The following CCDC7 variants were observed in gnomAD, a reference collection of about 807,000 sequenced individuals.
CCDC7 encodes the protein coiled-coil domain containing 7.
A neutral mutation model predicts 196.9 loss-of-function variants in CCDC7; 183 were observed. The observed-to-expected ratio is 0.93, with a 90% CI of 0.82 to 1.05. CCDC7 has a LOEUF of 1.05. Ranked by LOEUF, CCDC7 falls within the 50% of genes least tolerant of loss-of-function variation. The pLI is 0.00. For synonymous variants in CCDC7, 525 were observed against 484.6 expected (o/e 1.08, Z -1.10); for missense variants, 1,540 against 1,482.2 (o/e 1.04, Z -0.64).
At chr10:32,662,026 A>G (rs1302458666) in intron 20 of CCDC7, among the ~76,000 whole-genome samples, 1 of 152,154 alleles carries the variant, frequency 6.6e-6, no homozygotes, top group African/African-American at 2.4e-5. Context: ...AAGGCTTGCC[A>G]GAACTCAAGT....
chr10:32,563,312 A>G (rs2056120221), intron 13 of CCDC7, among the ~76,000 whole-genome samples: 1 of 152,160 alleles, frequency 6.6e-6, no homozygotes, highest in African/African-American at 2.4e-5. Context: ...TAAAGTTCAT[A>G]TGGAACCAAA....
At chr10:32,485,416 T>C (rs1051437715) in intron 8 of CCDC7, among the ~76,000 whole-genome samples, 2 of 152,222 alleles carry the variant, frequency 1.3e-5, no homozygotes, top group Admixed American at 6.5e-5. Flanking sequence ...TAGTGGTCTA[T>C]CAATTTTGTT....
chr10:32,675,020 T>C (rs1348355614), intron 21 of CCDC7, among the ~76,000 whole-genome samples: 2 of 152,144 alleles, frequency 1.3e-5, no homozygotes, highest in African/African-American at 4.8e-5. Flanking sequence ...GCAAATAGCA[T>C]ATAGTGGATC....
At chr10:32,579,252 CCAAA>C (rs1002008551) in intron 16 of CCDC7, among the ~76,000 whole-genome samples, 1 of 151,354 alleles carries the variant, frequency 6.6e-6, no homozygotes, top group Non-Finnish European at 1.5e-5. Context: ...TTTTTCTTAA[CCAAA>C]CAGACTAGCA....
intron 20 of CCDC7, among the ~76,000 whole-genome samples, chr10:32,652,206 T>C (rs2068896925): frequency 6.6e-6 from 1 of 152,224 alleles, no homozygotes; most frequent in Admixed American, 6.5e-5. Context: ...ACTTAAAGTG[T>C]ATTTTATCTC....
intron 11 of CCDC7, among the ~76,000 whole-genome samples, chr10:32,525,607 A>G (rs1326458613): frequency 6.6e-6 from 1 of 152,168 alleles, no homozygotes; most frequent in African/African-American, 2.4e-5. Context: ...TGAAGCTTGT[A>G]GATGTTTATA....
intron 33 of CCDC7, among the ~76,000 whole-genome samples, chr10:32,838,353 G>A (rs961172753): frequency 1.3e-5 from 2 of 152,036 alleles, no homozygotes; most frequent in African/African-American, 4.8e-5. Flanking sequence ...GCACTGGGAA[G>A]TCTCCATAAT....
At chr10:32,486,410 T>G (rs1391176379) in intron 8 of CCDC7, among the ~76,000 whole-genome samples, 1 of 151,598 alleles carries the variant, frequency 6.6e-6, no homozygotes, top group Non-Finnish European at 1.5e-5. Flanking sequence ...TGAGATGGGT[T>G]TCCTGAATAC....
chr10:32,511,749 A>G (rs1589375002), intron 9 of CCDC7: 9 of 1,552,520 alleles, frequency 5.8e-6, no homozygotes, highest in Non-Finnish European at 7.1e-6. Context: ...GTTATGGCTG[A>G]CTCACGGCCT....
At chr10:32,688,353 A>G (rs914102077) in intron 22 of CCDC7, among the ~76,000 whole-genome samples, 8 of 152,204 alleles carry the variant, frequency 5.3e-5, no homozygotes, top group Non-Finnish European at 1.2e-4. Flanking sequence ...TTTAGAGTTA[A>G]CAATAGTTAT....
At chr10:32,842,175 G>A (rs4934747) in intron 33 of CCDC7, among the ~76,000 whole-genome samples, 52,065 of 151,838 alleles carry the variant, frequency 0.34, 11,326 homozygotes, top group Non-Finnish European at 0.49. Context: ...CCCTCAGAGT[G>A]GCAGAAAATC....
At chr10:32,634,286 G>A in exon 19 of CCDC7, 3 of 1,218,398 alleles carry the variant, frequency 2.5e-6, no homozygotes, top group Middle Eastern at 6.3e-4. Context: ...AAATCTTATG[G>A]TTGAAAATAA....
chr10:32,498,791 C>T (rs1344782709), intron 9 of CCDC7, among the ~76,000 whole-genome samples: 1 of 151,570 alleles, frequency 6.6e-6, no homozygotes, highest in Non-Finnish European at 1.5e-5. Context: ...GGTAACCCGA[C>T]CTTTCTCTCT....
intron 41 of CCDC7, among the ~76,000 whole-genome samples, chr10:32,863,613 G>T (rs540930619): frequency 1.3e-5 from 2 of 151,904 alleles, no homozygotes; most frequent in African/African-American, 4.8e-5. Context: ...ATTAATTTTT[G>T]ACAAGGACTC....
intron 28 of CCDC7, among the ~76,000 whole-genome samples, chr10:32,747,589 C>A (rs2074994789): frequency 6.6e-6 from 1 of 151,988 alleles, no homozygotes; most frequent in Non-Finnish European, 1.5e-5. Context: ...ATACATGCGG[C>A]CAACAAGCAT....
intron 18 of CCDC7, among the ~76,000 whole-genome samples, chr10:32,627,149 A>G (rs555928202): frequency 6.6e-6 from 1 of 151,788 alleles, no homozygotes; most frequent in Non-Finnish European, 1.5e-5. Flanking sequence ...GGTAGTGTGG[A>G]CATTTTTAAA....
intron 28 of CCDC7, among the ~76,000 whole-genome samples, chr10:32,740,216 T>G (rs1219190461): frequency 6.6e-6 from 1 of 152,182 alleles, no homozygotes; most frequent in Non-Finnish European, 1.5e-5. Flanking sequence ...TATTGTATAA[T>G]AAAGCCTGTG....
intron 27 of CCDC7, 75 bp downstream of exon 28, chr10:32,729,072 G>C: frequency 9.4e-7 from 1 of 1,058,702 alleles, no homozygotes; most frequent in South Asian, 1.6e-5. Flanking sequence ...TGATTCGTCA[G>C]TGTGTACTTC....
intron 8 of CCDC7, among the ~76,000 whole-genome samples, chr10:32,483,999 G>A (rs953884275): frequency 5.3e-5 from 8 of 152,164 alleles, no homozygotes; most frequent in South Asian, 4.1e-4. Flanking sequence ...GGTTCCATAT[G>A]AACTTTAAAG....
Sources: allele counts gnomAD v4.1 joint callset (sites outside exome capture counted in the v4.1 genomes callset), GRCh38; gene constraint gnomAD v4.1.1; transcripts MANE v1.5; gene names NCBI Gene and HGNC (gene_info 2026-07-23, HGNC 2026-07-21).